GDI2: variants seen among roughly 807,000 people sequenced by gnomAD.
GDI2 encodes the protein GDP dissociation inhibitor 2.
GDI2 carries 22 observed loss-of-function variants against 54.2 expected under a neutral mutation model. The ratio of observed to expected loss-of-function variants is 0.41; its 90% CI spans 0.29 to 0.58. The LOEUF is 0.58. Among genes scored for constraint, GDI2 ranks in the 20% least tolerant of loss-of-function variants. The pLI, the probability that GDI2 is intolerant of heterozygous loss-of-function variation, is 0.35. For synonymous variants in GDI2, 177 were observed against 182.1 expected, an observed-to-expected ratio of 0.97 and a Z score of 0.23; for missense variants, 422 against 546.0, an observed-to-expected ratio of 0.77 and a Z score of 2.26.
At chr10:5,805,363 T>TA (rs33941987) in intron 1 of GDI2, among the ~76,000 whole-genome samples, 2,689 of 105,870 alleles carry the variant, frequency 0.025, 98 homozygotes, top group African/African-American at 0.089. Context: ...ATTTGCTCTT[T>TA]AAAAAAAAAA....
chr10:5,791,988 T>G (rs962553182), intron 4 of GDI2, among the ~76,000 whole-genome samples: 5 of 152,108 alleles, frequency 3.3e-5, no homozygotes, highest in Admixed American at 3.3e-4. Flanking sequence ...TATAGGATCT[T>G]GACTAATTAG....
chr10:5,794,858 G>A (rs746994600), intron 4 of GDI2, 27 bp downstream of exon 4: 5 of 1,494,802 alleles, frequency 3.3e-6, no homozygotes, highest in Non-Finnish European at 4.6e-6. Context: ...AATAAAACTA[G>A]TTACTAGAGA....
intron 2 of GDI2, among the ~76,000 whole-genome samples, chr10:5,799,842 T>C (rs915023272): frequency 2.6e-5 from 4 of 152,180 alleles, no homozygotes; most frequent in Admixed American, 2.0e-4. Context: ...TGATGTCTTA[T>C]CACTTTCAAT....
Position 5,773,960 on chromosome 10 carries a change from C to T in GDI2, c.720-19G>A, listed in dbSNP as rs1297344968. On this transcript the variant is annotated intron_variant, in intron 6 of 10. Transcript: ENST00000380191. Reference sequence around the variant, plus strand: ...ACTTAGCCTGGAAAATTTTTAAAATCCCAATTAATAATATATAGTTGTTTC... The same window carrying T: ...ACTTAGCCTGGAAAATTTTTAAAATTCCAATTAATAATATATAGTTGTTTC... 3 of 1,027,108 alleles carry T rather than the reference C, an allele frequency of 2.9e-6. No homozygotes were observed. Among genetic ancestry groups the T allele is most frequent in the African/African-American group, 1.6e-5 (1 of 62,326 alleles). The allele number at this position is 1,027,108 out of a possible 1,614,324, so 63.6% of individuals were successfully genotyped here. A position where few individuals can be genotyped will look rare whatever the true frequency, so the allele number is the denominator to read the frequency against.
Position 5,766,079 on chromosome 10 carries a change from T to C in GDI2, c.1265A>G (p.Lys422Arg), listed in dbSNP as rs1840321779. The change falls in exon 11 of 11, where the codon AAG (lysine) becomes AGG (arginine). Residue 422 changes from lysine to arginine, a missense_variant. By Grantham distance (26) the Lys-to-Arg change is conservative (BLOSUM62 2). Transcript: ENST00000380191. This position sits in a 1 kb window ranked among gnomAD's most constrained non-coding sequence, Gnocchi z 5.8. ...TTCDDIKNIY[K>R]RMTGSEFDFE... ...GTCAAACTCTGATCCTGTCATCCTC[T>C]TATAGATGTTTTTAATGTCATCACA... 1 of 1,607,888 alleles carries C rather than the reference T, an allele frequency of 6.2e-7. No individual in the cohort carries two copies. The highest frequency in any genetic ancestry group is 1.3e-5 in the African/African-American group (1 of 74,514).
chr10:5,788,793 C>A (rs1353988915), intron 4 of GDI2, among the ~76,000 whole-genome samples: 2 of 151,636 alleles, frequency 1.3e-5, no homozygotes, highest in Admixed American at 6.6e-5. Flanking sequence ...AGGAGTCTCA[C>A]TCTGTCGCCC....
intron 6 of GDI2, among the ~76,000 whole-genome samples, chr10:5,781,625 CAAAAA>C (rs34913780): frequency 1.0e-4 from 10 of 97,158 alleles, no homozygotes; most frequent in African/African-American, 3.4e-4. Flanking sequence ...ACTCTGTCTC[CAAAAA>C]AAAAAAAAAA....
rs1564386095 is a variant in GDI2 at position 5,766,170 on chromosome 10, G to GAA, written c.1192-20_1192-19dup. ...ATAAAGATCTGAAAACAAAAATTAC[G>GAA]AAGACTTAAGACCATGGAGGGATGT... On this transcript the variant is annotated intron_variant, in intron 10 of 10. Transcript: ENST00000380191. The surrounding 1 kb of genome is among the most constrained non-coding windows in gnomAD (Gnocchi z 5.8). The GAA allele has an allele frequency of 6.2e-7, 1 of 1,612,978 alleles. No individual in the cohort carries two copies. Among genetic ancestry groups the GAA allele is most frequent in the African/African-American group, 1.3e-5 (1 of 75,002 alleles).
intron 1 of GDI2, among the ~76,000 whole-genome samples, chr10:5,810,214 T>C (rs1019881340): frequency 3.9e-5 from 6 of 152,254 alleles, no homozygotes; most frequent in African/African-American, 1.4e-4. Context: ...AAACATATGA[T>C]GCTGAGAATC....
chr10:5,796,815 C>T lies in GDI2; in HGVS notation c.201G>A (p.Gly67=), dbSNP rs1841156229. 6.3e-7 allele frequency: 1 copy of T among 1,593,464 alleles called. No individual in the cohort carries two copies. Among genetic ancestry groups the T allele is most frequent in the Middle Eastern group, 1.7e-4 (1 of 5,836 alleles). ...KIPGSPPESM[G]RGRDWNVDLI... is the part of the protein sequence containing the mutation. ...AGTCAACATTCCAGTCTCTTCCTCT[C>T]CCCATTGACTCGGGTGGTGATCCTG... Residue 67 remains glycine (G), a synonymous_variant, in exon 3 of 11, where the codon GGG becomes GGA. Coordinates refer to ENST00000380191, the MANE Select transcript of GDI2 (RefSeq NM_001494.4).
Position 5,774,686 on chromosome 10 carries a change from G to A in GDI2, c.720-745C>T, listed in dbSNP as rs74843840. Among the ~76,000 whole-genome samples the A allele has an allele frequency of 7.5e-3, 1,137 of 152,256 alleles. 6 individuals carry two copies. The highest frequency in any genetic ancestry group is 0.024 in the African/African-American group (1,007 of 41,528). On this transcript the variant is annotated intron_variant, in intron 6 of 10. Transcript: ENST00000380191. This position sits in a 1 kb window ranked among gnomAD's most constrained non-coding sequence, Gnocchi z 4.8. The stretch of plus-strand genomic sequence containing the variant: ...AATGGCCCTCCTGGACAGGAGGCTC[G>A]TGAGTGTGGTGAGGCTAAAGCCTAA...
chr10:5,801,363 G>T (rs1002880469), intron 1 of GDI2, among the ~76,000 whole-genome samples: 2 of 152,082 alleles, frequency 1.3e-5, no homozygotes, highest in Non-Finnish European at 2.9e-5. Flanking sequence ...AGTCTTCATC[G>T]CCAGGCATTC....
intron 4 of GDI2, among the ~76,000 whole-genome samples, chr10:5,791,251 T>C (rs1273507930): frequency 6.6e-6 from 1 of 152,132 alleles, no homozygotes; most frequent in Non-Finnish European, 1.5e-5. Flanking sequence ...GCCGTGATCA[T>C]GCCACTGCAC....
intron 1 of GDI2, among the ~76,000 whole-genome samples, chr10:5,805,363 T>TAA (rs33941987): frequency 1.2e-4 from 13 of 105,890 alleles, no homozygotes; most frequent in African/African-American, 3.9e-4. Flanking sequence ...ATTTGCTCTT[T>TAA]AAAAAAAAAA....
intron 1 of GDI2, among the ~76,000 whole-genome samples, chr10:5,810,010 T>C (rs1017531915): frequency 6.6e-6 from 1 of 152,214 alleles, no homozygotes; most frequent in Non-Finnish European, 1.5e-5. Context: ...GAAAGTCCTT[T>C]GTCTACAGAA....
At chr10:5,767,105 G>T (rs552811938) in intron 8 of GDI2, among the ~76,000 whole-genome samples, 4 of 151,790 alleles carry the variant, frequency 2.6e-5, no homozygotes, top group Non-Finnish European at 5.9e-5. Context: ...TAGAATTCTC[G>T]ATTAGACTTG....
chr10:5,807,167 A>G (rs530048320), intron 1 of GDI2, among the ~76,000 whole-genome samples: 1 of 152,326 alleles, frequency 6.6e-6, no homozygotes, highest in South Asian at 2.1e-4. Context: ...CAAACATAAT[A>G]AGCTTTGTTT....
intron 1 of GDI2, among the ~76,000 whole-genome samples, chr10:5,807,682 T>C (rs1398445977): frequency 6.6e-6 from 1 of 152,210 alleles, no homozygotes; most frequent in Non-Finnish European, 1.5e-5. Flanking sequence ...TAATATTTAA[T>C]TGCACCAAAG....
rs769161634 is a variant in GDI2 at position 5,773,876 on chromosome 10, T to C, written c.785A>G (p.Asn262Ser). ...NKPIEEIIVQ[N>S]GKVIGVKSEG... ...AGATTTTACACCAATTACTTTTCCA[T>C]TCTGTACAATGATTTCTTCAATGGG... Residue 262 changes from asparagine to serine, a missense_variant, in exon 7 of 11, where the codon AAT becomes AGT. Physicochemically the swap from Asn to Ser is conservative, Grantham distance 46. Coordinates refer to ENST00000380191, the MANE Select transcript of GDI2 (RefSeq NM_001494.4). The C allele has an allele frequency of 3.9e-6, 6 of 1,534,736 alleles. No individual in the cohort carries two copies. Among genetic ancestry groups the C allele is most frequent in the South Asian group, 3.4e-5 (3 of 87,580 alleles).
Sources: allele counts gnomAD v4.1 joint callset (sites outside exome capture counted in the v4.1 genomes callset), GRCh38; gene constraint gnomAD v4.1.1; non-coding constraint Gnocchi (gnomAD v3.1); transcripts MANE v1.5; gene names NCBI Gene and HGNC (gene_info 2026-07-23, HGNC 2026-07-21).